ELMO1: variants seen among roughly 807,000 people sequenced by gnomAD.
ELMO1 encodes engulfment and cell motility protein 1.
A neutral mutation model predicts 98.9 loss-of-function variants in ELMO1; 26 were observed. That is an observed-to-expected ratio of 0.26 (90% CI 0.19 to 0.36). The LOEUF (loss-of-function observed/expected upper bound fraction) is 0.36. Ranked by LOEUF, ELMO1 falls within the 10% of genes least tolerant of loss-of-function variation. The probability of loss-of-function intolerance (pLI) is 1.00; values close to 1 mark genes in which losing one functional copy is unlikely to be tolerated. For missense variants in ELMO1, 627 were observed against 935.2 expected (o/e 0.67, Z 4.30); for synonymous variants, 346 against 346.0 (o/e 1.00, Z 0.00).
intron 1 of ELMO1, chr7:37,352,962 G>A (rs1457209697): frequency 1.3e-5 from 2 of 152,146 alleles, no homozygotes; most frequent in South Asian, 2.1e-4. Flanking sequence ...CCCACCCAAC[G>A]AGTCCCTGCT....
intron 8 of ELMO1, among the ~76,000 whole-genome samples, chr7:37,230,779 A>G (rs982875763): frequency 6.6e-6 from 1 of 152,240 alleles, no homozygotes; most frequent in South Asian, 2.1e-4. Flanking sequence ...TAAAAAATCA[A>G]TGATACTCAC....
chr7:37,135,659 C>T (rs554457039), intron 13 of ELMO1, among the ~76,000 whole-genome samples: 1 of 152,316 alleles, frequency 6.6e-6, no homozygotes, highest in South Asian at 2.1e-4. Context: ...TAGGAAGCCA[C>T]ATTCCTAGGA....
chr7:37,306,873 C>T (rs1490687225), intron 4 of ELMO1, among the ~76,000 whole-genome samples: 1 of 152,098 alleles, frequency 6.6e-6, no homozygotes, highest in Admixed American at 6.5e-5. Flanking sequence ...AGTTCATATC[C>T]TAGTCAAAAG....
At position 37,192,357 on chromosome 7, in the gene ELMO1, T is replaced by C. The variant is rs188052506; in HGVS notation, c.1086+19029A>G. On this transcript the variant is annotated intron_variant, in intron 13 of 21. Coordinates refer to ENST00000310758, the MANE Select transcript of ELMO1 (RefSeq NM_014800.11). Reference sequence around the variant, plus strand: ...TAAAAATACAAAAATTCGCTGGATGTGGTGGTGCATGCCTGTAGTCCCAGC... The same window carrying C: ...TAAAAATACAAAAATTCGCTGGATGCGGTGGTGCATGCCTGTAGTCCCAGC... Among the ~76,000 whole-genome samples, 38 of 151,742 alleles carry C rather than the reference T, an allele frequency of 2.5e-4. 2 individuals carry two copies. In the East Asian group the frequency reaches 7.0e-3, roughly 28 times the overall value.
chr7:36,870,349 G>T lies in ELMO1; in HGVS notation c.1905+44C>A, dbSNP rs184283453. ...GCTAGGCTGGCTGCAGTTGCCGACCGCACTGGGCAAATAGAGCTATTTGCA... is the reference window on the plus strand; with the variant it reads ...GCTAGGCTGGCTGCAGTTGCCGACCTCACTGGGCAAATAGAGCTATTTGCA... On this transcript the variant is annotated intron_variant, in intron 20 of 21. Coordinates refer to ENST00000310758, the MANE Select transcript of ELMO1 (RefSeq NM_014800.11). This position sits in a 1 kb window ranked among gnomAD's most constrained non-coding sequence, Gnocchi z 4.4. The T allele has an allele frequency of 6.3e-7, 1 of 1,591,056 alleles. No homozygotes were observed. The highest frequency in any genetic ancestry group is 8.6e-7 in the Non-Finnish European group (1 of 1,159,932).
chr7:37,067,585 G>A (rs1028963470), intron 15 of ELMO1, among the ~76,000 whole-genome samples: 4 of 152,108 alleles, frequency 2.6e-5, no homozygotes, highest in South Asian at 2.1e-4. Flanking sequence ...AAAAGATGTC[G>A]AGAGAGATAA....
chr7:36,900,002 A>C (rs1409016694), intron 16 of ELMO1, among the ~76,000 whole-genome samples: 1 of 152,152 alleles, frequency 6.6e-6, no homozygotes, highest in Non-Finnish European at 1.5e-5. Flanking sequence ...TTCTCCTATA[A>C]AAATATTTTG....
At chr7:37,368,105 T>C (rs1169668379) in intron 1 of ELMO1, among the ~76,000 whole-genome samples, 1 of 152,188 alleles carries the variant, frequency 6.6e-6, no homozygotes, top group Non-Finnish European at 1.5e-5. Context: ...AACTTTTCCT[T>C]TAAAATCAAA....
intron 4 of ELMO1, among the ~76,000 whole-genome samples, chr7:37,285,993 G>A (rs573655205): frequency 5.3e-5 from 8 of 150,154 alleles, no homozygotes; most frequent in African/African-American, 7.4e-5. Flanking sequence ...GTGCTACAGA[G>A]ACAAGAAAAA....
At chr7:36,940,928 C>CA (rs757071764) in intron 16 of ELMO1, among the ~76,000 whole-genome samples, 32 of 152,166 alleles carry the variant, frequency 2.1e-4, no homozygotes, top group Non-Finnish European at 3.7e-4. Flanking sequence ...ACAAGAGAGG[C>CA]ACAGATAGTG....
chr7:36,962,848 CAT>C (rs1789075566), intron 16 of ELMO1, among the ~76,000 whole-genome samples: 1 of 151,994 alleles, frequency 6.6e-6, no homozygotes, highest in Admixed American at 6.5e-5. Flanking sequence ...CTCAGTGAGA[CAT>C]AGAATCACAA....
intron 16 of ELMO1, among the ~76,000 whole-genome samples, chr7:36,935,083 C>T (rs1013257374): frequency 3.3e-5 from 5 of 152,218 alleles, no homozygotes; most frequent in African/African-American, 1.2e-4. Flanking sequence ...CGAATTGTAG[C>T]TCCCATAATT....
At chr7:37,016,713 T>G (rs1793961814) in intron 15 of ELMO1, among the ~76,000 whole-genome samples, 1 of 152,190 alleles carries the variant, frequency 6.6e-6, no homozygotes, top group Non-Finnish European at 1.5e-5. Flanking sequence ...CACCGGGCAC[T>G]GAATGATGGA....
At chr7:37,000,647 C>T (rs915318491) in intron 16 of ELMO1, among the ~76,000 whole-genome samples, 3 of 152,202 alleles carry the variant, frequency 2.0e-5, no homozygotes, top group South Asian at 2.1e-4. Flanking sequence ...TGCACAAGCA[C>T]GTATTTCCTA....
At chr7:36,991,911 G>A (rs983583930) in intron 16 of ELMO1, among the ~76,000 whole-genome samples, 1 of 152,124 alleles carries the variant, frequency 6.6e-6, no homozygotes, top group Non-Finnish European at 1.5e-5. Flanking sequence ...AGTAAAGTGG[G>A]ACACTCAGGA....
intron 12 of ELMO1, among the ~76,000 whole-genome samples, chr7:37,211,990 A>T (rs900842384): frequency 6.6e-6 from 1 of 152,226 alleles, no homozygotes; most frequent in Non-Finnish European, 1.5e-5. Flanking sequence ...GTGTCCATCC[A>T]AGGGTAAATG....
At chr7:37,258,032 G>A (rs1024558155) in intron 6 of ELMO1, among the ~76,000 whole-genome samples, 5 of 151,092 alleles carry the variant, frequency 3.3e-5, no homozygotes, top group African/African-American at 1.2e-4. Context: ...CACCTTGGGA[G>A]GCCAAGGCAG....
intron 15 of ELMO1, among the ~76,000 whole-genome samples, chr7:37,065,344 C>T (rs528573640): frequency 7.2e-5 from 11 of 152,212 alleles, no homozygotes; most frequent in African/African-American, 2.2e-4. Flanking sequence ...CCATCACCCC[C>T]GGCCTGACAT....
chr7:36,943,298 C>T (rs563663478), intron 16 of ELMO1, among the ~76,000 whole-genome samples: 27 of 152,274 alleles, frequency 1.8e-4, no homozygotes, highest in Non-Finnish European at 3.1e-4. Context: ...TTCTTTTATG[C>T]GTAAAAAATT....
Sources: allele counts gnomAD v4.1 joint callset (sites outside exome capture counted in the v4.1 genomes callset), GRCh38; gene constraint gnomAD v4.1.1; non-coding constraint Gnocchi (gnomAD v3.1); transcripts MANE v1.5; gene names NCBI Gene and HGNC (gene_info 2026-07-23, HGNC 2026-07-21).